DNAJB5: variants seen among roughly 807,000 people sequenced by gnomAD.
DNAJB5 encodes the protein dnaJ homolog subfamily B member 5.
DNAJB5 carries 12 observed loss-of-function variants against 32.6 expected under a neutral mutation model. That is an observed-to-expected ratio of 0.37 (90% CI 0.24 to 0.60). The LOEUF is 0.60. Among genes scored for constraint, DNAJB5 ranks in the 20% least tolerant of loss-of-function variants. The probability of loss-of-function intolerance (pLI) is 0.71; values close to 1 mark genes in which losing one functional copy is unlikely to be tolerated. For missense variants in DNAJB5, 358 were observed against 554.2 expected, an observed-to-expected ratio of 0.65 and a Z score of 3.55; for synonymous variants, 188 against 212.9, an observed-to-expected ratio of 0.88 and a Z score of 1.02.
At position 34,997,708 on chromosome 9, in the gene DNAJB5, G is replaced by T; in HGVS notation, c.*449G>T. On this transcript the variant is annotated 3_prime_UTR_variant, in exon 5 of 5. Transcript: ENST00000682809. This position sits in a 1 kb window ranked among gnomAD's most constrained non-coding sequence, Gnocchi z 4.1. Reference sequence around the variant, plus strand: ...ATTGCTTTCTCAGCCCCACCCCCAGGTCCACAGTGTCCAAGGTAATGGCAC... The same window carrying T: ...ATTGCTTTCTCAGCCCCACCCCCAGTTCCACAGTGTCCAAGGTAATGGCAC... 2.9e-6 allele frequency: 1 copy of T among 339,826 alleles called. No homozygotes were observed. Among genetic ancestry groups the T allele is most frequent in the South Asian group, 2.4e-5 (1 of 41,860 alleles). 21.1% of individuals were successfully genotyped at this position (339,826 alleles called of 1,614,324 possible).
Position 34,996,329 on chromosome 9 carries a change from G to A in DNAJB5, c.492G>A (p.Gly164=), listed in dbSNP as rs762320036. ...SSGSFHYTFH[G]DPHATFASFF... ...GCTCCTTTCACTACACCTTTCATGG[G>A]GACCCCCATGCCACCTTTGCCTCCT... The change falls in exon 4 of 5, where the codon GGG becomes GGA. Residue 164 remains glycine (G), a synonymous_variant. Transcript: ENST00000682809. The surrounding 1 kb of genome is among the most constrained non-coding windows in gnomAD (Gnocchi z 7.2). 4.3e-6 allele frequency: 7 copies of A among 1,614,050 alleles called. No individual in the cohort carries two copies. The highest frequency in any genetic ancestry group is 5.9e-6 in the Non-Finnish European group (7 of 1,180,028).
At position 34,997,542 on chromosome 9, in the gene DNAJB5, T is replaced by G. The variant is rs1760717722; in HGVS notation, c.*283T>G. 1.8e-6 allele frequency: 1 copy of G among 555,510 alleles called. No homozygotes were observed. Among genetic ancestry groups the G allele is most frequent in the South Asian group, 1.8e-5 (1 of 54,968 alleles). The allele number at this position is 555,510 out of a possible 1,614,324, so 34.4% of individuals were successfully genotyped here. A position where few individuals can be genotyped will look rare whatever the true frequency, so the allele number is the denominator to read the frequency against. On this transcript the variant is annotated 3_prime_UTR_variant, in exon 5 of 5. Transcript: ENST00000682809. This position sits in a 1 kb window ranked among gnomAD's most constrained non-coding sequence, Gnocchi z 4.1. ...CCACTGCAGTGGCTGGAGAGTGACC[T>G]GAGTGCTACTTGAAGATATGTAGAG...
intron 2 of DNAJB5, chr9:34,991,620 C>CCA (rs1554662670): frequency 4.7e-6 from 1 of 212,390 alleles, no homozygotes; most frequent in African/African-American, 3.3e-5. Flanking sequence ...AGACCACCCC[C>CCA]CCCCGCTCCC....
At chr9:34,992,769 C>T in intron 2 of DNAJB5, 1 of 1,006,618 alleles carries the variant, frequency 9.9e-7, no homozygotes, top group Non-Finnish European at 1.2e-6. Context: ...AGCCTGGGCA[C>T]CATGCCTGAG....
At chr9:34,994,497 G>A (rs1249085571) in intron 3 of DNAJB5, among the ~76,000 whole-genome samples, 1 of 152,108 alleles carries the variant, frequency 6.6e-6, no homozygotes, top group Non-Finnish European at 1.5e-5. Context: ...GATACCGGCT[G>A]GAACCCCCAG....
chr9:34,997,609 C>T lies in DNAJB5; in HGVS notation c.*350C>T, dbSNP rs1827839111. The stretch of plus-strand genomic sequence containing the variant: ...TGTACATAGCATGTCCTCCTCCCCT[C>T]AGCTTTGCTAATACCAGTCCCCTCC... On this transcript the variant is annotated 3_prime_UTR_variant, in exon 5 of 5. Coordinates refer to ENST00000682809, the MANE Select transcript of DNAJB5 (RefSeq NM_001349723.3). The surrounding 1 kb of genome is among the most constrained non-coding windows in gnomAD (Gnocchi z 4.1). 1 of 391,570 alleles carries T rather than the reference C, an allele frequency of 2.6e-6. No individual in the cohort carries two copies. The highest frequency in any genetic ancestry group is 4.9e-6 in the Non-Finnish European group (1 of 203,732). The allele number at this position is 391,570 out of a possible 1,614,324, so 24.3% of individuals were successfully genotyped here.
In DNAJB5 at chr9:34,990,943, C is replaced by T. The variant is rs1827611772; in HGVS notation, c.182+131C>T. On this transcript the variant is annotated intron_variant, in intron 2 of 4. Coordinates refer to ENST00000682809, the MANE Select transcript of DNAJB5 (RefSeq NM_001349723.3). This position sits in a 1 kb window ranked among gnomAD's most constrained non-coding sequence, Gnocchi z 4.5. ...TCTGTGACATACAGGAACCCCCCTC[C>T]GGCCTCACCCACATATTTGAATGAA... is the stretch of plus-strand genomic sequence containing the variant. 3 of 901,672 alleles carry T rather than the reference C, an allele frequency of 3.3e-6. No homozygotes were observed. Among genetic ancestry groups the T allele is most frequent in the Non-Finnish European group, 4.9e-6 (3 of 610,068 alleles). The allele number at this position is 901,672 out of a possible 1,614,324, so 55.9% of individuals were successfully genotyped here.
At chr9:34,995,341 C>T (rs139843879) in intron 3 of DNAJB5, among the ~76,000 whole-genome samples, 147 of 152,200 alleles carry the variant, frequency 9.7e-4, no homozygotes, top group African/African-American at 3.4e-3. Context: ...CAGTGTGAAC[C>T]GTCTCCCCAC....
intron 2 of DNAJB5, 197 bp from the exon 3 acceptor site, chr9:34,992,989 GAGGACGGAATCACA>G: frequency 7.1e-7 from 1 of 1,400,392 alleles, no homozygotes; most frequent in Non-Finnish European, 9.3e-7. Flanking sequence ...CCCAGGAGGT[GAGGACGGAATCACA>G]GAATTCTAGA....
chr9:34,994,215 T>A (rs985445223), intron 3 of DNAJB5, among the ~76,000 whole-genome samples: 2 of 152,230 alleles, frequency 1.3e-5, no homozygotes, highest in Non-Finnish European at 2.9e-5. Flanking sequence ...CTGAGGACTC[T>A]CCTTCCTGGG....
In DNAJB5 at chr9:34,993,414, C is replaced by T; in HGVS notation, c.397C>T (p.Arg133Trp). 1.2e-6 allele frequency: 2 copies of T among 1,613,578 alleles called. No homozygotes were observed. Among genetic ancestry groups the T allele is most frequent in the Non-Finnish European group, 1.7e-6 (2 of 1,179,914 alleles). The stretch of plus-strand genomic sequence containing the variant: ...TGATGTGCTAAGTGACCCCAAGAAA[C>T]GGGGCCTGTATGACCAGTATGGGGA... Reference protein sequence around the residue: ...AYDVLSDPKKRGLYDQYGEEG... With the variant: ...AYDVLSDPKKWGLYDQYGEEG... Residue 133 changes from arginine (R) to tryptophan (W), a missense_variant, in exon 3 of 5, where the codon CGG (arginine) becomes TGG (tryptophan). This residue lies in a region of DNAJB5 where 248 missense variants were observed against 442.6 expected (regional missense o/e 0.56). Coordinates refer to ENST00000682809, the MANE Select transcript of DNAJB5 (RefSeq NM_001349723.3). This position sits in a 1 kb window ranked among gnomAD's most constrained non-coding sequence, Gnocchi z 4.7.
chr9:34,990,141 C>CGA lies in DNAJB5; in HGVS notation c.-133+310_-133+311insGA. 1 of 758,686 alleles carries CGA rather than the reference C, an allele frequency of 1.3e-6. No homozygotes were observed. Among genetic ancestry groups the CGA allele is most frequent in the Non-Finnish European group, 2.0e-6 (1 of 502,054 alleles). The allele number at this position is 758,686 out of a possible 1,614,324, so 47.0% of individuals were successfully genotyped here. On this transcript the variant is annotated intron_variant, in intron 1 of 4. Transcript: ENST00000682809. This position sits in a 1 kb window ranked among gnomAD's most constrained non-coding sequence, Gnocchi z 4.5. ...AGCGCGGGTGACATCACCGACCACC[C>CGA]TCCCCCGCCCGAGCCCCCTCCCCTC... is the stretch of plus-strand genomic sequence containing the variant.
At position 34,990,275 on chromosome 9, in the gene DNAJB5, G is replaced by C; in HGVS notation, c.-132-224G>C. On this transcript the variant is annotated intron_variant, in intron 1 of 4. Transcript: ENST00000682809. This position sits in a 1 kb window ranked among gnomAD's most constrained non-coding sequence, Gnocchi z 4.5. ...CATTGAGTAGGTTCTTGGGGATTGGGGTCGGGTCCTCCCCAGTGAGAGGCG... is the reference window on the plus strand; with the variant it reads ...CATTGAGTAGGTTCTTGGGGATTGGCGTCGGGTCCTCCCCAGTGAGAGGCG... The C allele has an allele frequency of 7.2e-7, 1 of 1,380,652 alleles. No homozygotes were observed. The highest frequency in any genetic ancestry group is 9.5e-7 in the Non-Finnish European group (1 of 1,051,624). 85.5% of individuals were successfully genotyped at this position (1,380,652 alleles called of 1,614,324 possible). A position where few individuals can be genotyped will look rare whatever the true frequency, so the allele number is the denominator to read the frequency against.
chr9:34,991,161 C>G, intron 2 of DNAJB5: 1 of 416,682 alleles, frequency 2.4e-6, no homozygotes, highest in South Asian at 1.9e-5. Flanking sequence ...ATCTCCCCTC[C>G]CTGTACCTCA....
rs750209558 is a variant in DNAJB5, at chr9:34,997,505, TC to T, written c.*247del. The T allele has an allele frequency of 3.3e-5, 21 of 638,320 alleles. No individual in the cohort carries two copies. Among genetic ancestry groups the T allele is most frequent in the Non-Finnish European group, 5.2e-5 (18 of 349,002 alleles). 39.5% of individuals were successfully genotyped at this position (638,320 alleles called of 1,614,324 possible). On this transcript the variant is annotated 3_prime_UTR_variant, in exon 5 of 5. Transcript: ENST00000682809. The surrounding 1 kb of genome is among the most constrained non-coding windows in gnomAD (Gnocchi z 4.1). ...GGGTCAATGTTCATGTCACTAGCTT[TC>T]AATCCAGTTTCCACTGCAGTGGCTG...
chr9:34,989,816 C>A lies in DNAJB5; in HGVS notation c.-148C>A. 1 of 1,232,552 alleles carries A rather than the reference C, an allele frequency of 8.1e-7. No homozygotes were observed. The highest frequency in any genetic ancestry group is 4.0e-5 in the South Asian group (1 of 24,726). 76.4% of individuals were successfully genotyped at this position (1,232,552 alleles called of 1,614,324 possible). ...GCTGTCTCACGGACCACGGCGGCGC[C>A]CGCAGCTCCTCACCGGTGAGGGCGC... On this transcript the variant is annotated 5_prime_UTR_variant, in exon 1 of 5. Transcript: ENST00000682809.
Position 34,996,898 on chromosome 9 carries a change from G to A in DNAJB5, c.1029+32G>A, listed in dbSNP as rs1827813967. The A allele has an allele frequency of 1.9e-6, 3 of 1,590,338 alleles. No homozygotes were observed. Among genetic ancestry groups the A allele is most frequent in the African/African-American group, 2.7e-5 (2 of 74,632 alleles). On this transcript the variant is annotated intron_variant, in intron 4 of 4. Transcript: ENST00000682809. This position sits in a 1 kb window ranked among gnomAD's most constrained non-coding sequence, Gnocchi z 7.2. ...CCTAGTCAGGCTGTGTGTGTGTGCTGGGGAGATGGTGGGGACATTCCCTCT... is the reference window on the plus strand; with the variant it reads ...CCTAGTCAGGCTGTGTGTGTGTGCTAGGGAGATGGTGGGGACATTCCCTCT...
At position 34,990,855 on chromosome 9, in the gene DNAJB5, A is replaced by G; in HGVS notation, c.182+43A>G. On this transcript the variant is annotated intron_variant, in intron 2 of 4. Transcript: ENST00000682809. The surrounding 1 kb of genome is among the most constrained non-coding windows in gnomAD (Gnocchi z 4.5). ...AGGGCACTCACACCCATACCCAGTC[A>G]AACCCTCCACGCGGCCATCCCCTCC... 3.3e-6 allele frequency: 5 copies of G among 1,517,934 alleles called. No homozygotes were observed. The highest frequency in any genetic ancestry group is 4.4e-6 in the Non-Finnish European group (5 of 1,130,694). 94.0% of individuals were successfully genotyped at this position (1,517,934 alleles called of 1,614,324 possible).
Position 34,990,591 on chromosome 9 carries a change from G to C in DNAJB5, c.-40G>C. 6.4e-7 allele frequency: 1 copy of C among 1,551,358 alleles called. No individual in the cohort carries two copies. The highest frequency in any genetic ancestry group is 1.2e-5 in the South Asian group (1 of 84,052). Reference sequence around the variant, plus strand: ...TCCAGAGCTGCAGCACTTCAGGCCGGCTCCGGTGGAGCGATCAGAGGTGAG... The same window carrying C: ...TCCAGAGCTGCAGCACTTCAGGCCGCCTCCGGTGGAGCGATCAGAGGTGAG... On this transcript the variant is annotated 5_prime_UTR_variant, in exon 2 of 5. Coordinates refer to ENST00000682809, the MANE Select transcript of DNAJB5 (RefSeq NM_001349723.3). This position sits in a 1 kb window ranked among gnomAD's most constrained non-coding sequence, Gnocchi z 4.5.
Sources: allele counts gnomAD v4.1 joint callset (sites outside exome capture counted in the v4.1 genomes callset), GRCh38; gene constraint gnomAD v4.1.1; regional missense constraint gnomAD v4.1.1; non-coding constraint Gnocchi (gnomAD v3.1); transcripts MANE v1.5; gene names NCBI Gene and HGNC (gene_info 2026-07-23, HGNC 2026-07-21).